COL4A5: variants seen among roughly 807,000 people sequenced by gnomAD.
The protein encoded by COL4A5 is collagen type IV alpha 5 chain.
A neutral mutation model predicts 130.2 loss-of-function variants in COL4A5; 26 were observed. The ratio of observed to expected loss-of-function variants is 0.20; its 90% CI spans 0.15 to 0.28. COL4A5 has a LOEUF of 0.28. Ranked by LOEUF, COL4A5 falls within the 10% of genes least tolerant of loss-of-function variation. COL4A5 has a pLI of 1.00. For synonymous variants in COL4A5, 496 were observed against 439.6 expected, an observed-to-expected ratio of 1.13 and a Z score of -1.60; for missense variants, 1,131 against 1,344.3, an observed-to-expected ratio of 0.84 and a Z score of 2.48.
chrX:108,673,735 TATAATAATA>T (rs758392388), intron 42 of COL4A5, among the ~76,000 whole-genome samples: 1 of 106,281 alleles, frequency 9.4e-6, no homozygotes, highest in South Asian at 4.1e-4. Context: ...ATAATAATAA[TATAATAATA>T]ATAATAATAA....
chrX:108,463,521 G>A (rs2064674205), intron 1 of COL4A5, among the ~76,000 whole-genome samples: 1 of 111,250 alleles, frequency 9.0e-6, no homozygotes, highest in Non-Finnish European at 1.9e-5. Flanking sequence ...ACGCTTTTAG[G>A]GTTTTACTGA....
intron 1 of COL4A5, among the ~76,000 whole-genome samples, chrX:108,476,548 A>C (rs921393861): frequency 1.8e-5 from 1 of 55,105 alleles, no homozygotes; most frequent in African/African-American, 8.0e-5. Context: ...TTTTTTACCT[A>C]TTAACCATCC....
intron 36 of COL4A5, among the ~76,000 whole-genome samples, chrX:108,639,093 A>G (rs762391170): frequency 9.0e-6 from 1 of 111,518 alleles, no homozygotes; most frequent in African/African-American, 3.3e-5. Context: ...AACTAGCCAA[A>G]ACAATTCTAA....
chrX:108,629,900 C>T (rs2067221833), intron 36 of COL4A5, among the ~76,000 whole-genome samples: 1 of 110,657 alleles, frequency 9.0e-6, no homozygotes, highest in Non-Finnish European at 1.9e-5. Flanking sequence ...TGAGTGAGAA[C>T]ATGCGGTGTT....
At chrX:108,586,590 A>ATT in intron 18 of COL4A5, 25 bp from the exon 19 acceptor site, 1 of 1,100,806 alleles carries the variant, frequency 9.1e-7, no homozygotes, top group Non-Finnish European at 1.2e-6. Flanking sequence ...GCATTTCTTT[A>ATT]TTTTTTTTTT....
chrX:108,641,485 T>C (rs768289108), intron 36 of COL4A5, among the ~76,000 whole-genome samples: 4 of 111,744 alleles, frequency 3.6e-5, no homozygotes, highest in African/African-American at 1.3e-4. Context: ...AACAAACCAG[T>C]AATCACAAGA....
chrX:108,600,263 GA>G (rs1238796202), intron 25 of COL4A5, among the ~76,000 whole-genome samples: 2 of 111,778 alleles, frequency 1.8e-5, no homozygotes, highest in Non-Finnish European at 3.8e-5. Context: ...TTTGCGAAAA[GA>G]AATCTTTACC....
chrX:108,501,369 T>A (rs1347775307), intron 1 of COL4A5, among the ~76,000 whole-genome samples: 1 of 111,730 alleles, frequency 9.0e-6, no homozygotes. Flanking sequence ...AAAAATGTTT[T>A]ACCTTATCAC....
chrX:108,603,490 A>G (rs2147825036), intron 28 of COL4A5, among the ~76,000 whole-genome samples: 1 of 111,845 alleles, frequency 8.9e-6, no homozygotes, highest in Admixed American at 9.5e-5. Context: ...ATTAGGTCTA[A>G]AAAAAACCAT....
chrX:108,596,598 C>T (rs1159395209), intron 22 of COL4A5, among the ~76,000 whole-genome samples: 2 of 111,860 alleles, frequency 1.8e-5, no homozygotes, highest in East Asian at 5.6e-4. Context: ...TGGTAAGGAT[C>T]TAGGAAAACT....
rs1248934075 is a variant in COL4A5 at position 108,687,622 on chromosome X, A to G, written c.4456A>G (p.Thr1486Ala). Reference protein sequence around the residue: ...TTDAPQCPQGTLQVYEGFSLL... With the variant: ...TTDAPQCPQGALQVYEGFSLL... ...GGATGCACCACAATGCCCACAGGGA[A>G]CACTTCAGGTCTATGAAGGCTTTTC... Residue 1486 changes from threonine (T) to alanine (A), a missense_variant, in exon 49 of 53, where the codon ACA (threonine) becomes GCA (alanine). Physicochemically the swap from Thr to Ala is moderately conservative, Grantham distance 58. Transcript: ENST00000328300. 1 of 1,209,781 alleles carries G rather than the reference A, an allele frequency of 8.3e-7. No individual in the cohort carries two copies. Among genetic ancestry groups the G allele is most frequent in the Admixed American group, 2.2e-5 (1 of 45,701 alleles).
intron 38 of COL4A5, among the ~76,000 whole-genome samples, chrX:108,666,257 G>A (rs2068076531): frequency 9.0e-6 from 1 of 111,235 alleles, no homozygotes; most frequent in African/African-American, 3.3e-5. Context: ...ACCACCCTTC[G>A]CACCTTACTC....
In COL4A5 at chrX:108,657,374, C is replaced by A. The variant is rs184827003; in HGVS notation, c.3373+1917C>A. On this transcript the variant is annotated intron_variant, in intron 37 of 52. Coordinates refer to ENST00000328300, the MANE Select transcript of COL4A5 (RefSeq NM_033380.3). Reference sequence around the variant, plus strand: ...TCCAATGGTTTATTTTCTATTGCTGCTTTAACACAACACTGAATTACTGTA... The same window carrying A: ...TCCAATGGTTTATTTTCTATTGCTGATTTAACACAACACTGAATTACTGTA... 2.1e-3 allele frequency among the ~76,000 whole-genome samples: 233 copies of A among 111,649 alleles called. 2 individuals are homozygous for A. Among genetic ancestry groups the A allele is most frequent in the Non-Finnish European group, 3.5e-3 (188 of 52,974 alleles).
At chrX:108,541,057 C>T (rs772092654) in intron 2 of COL4A5, among the ~76,000 whole-genome samples, 8 of 111,795 alleles carry the variant, frequency 7.2e-5, no homozygotes, top group Non-Finnish European at 1.1e-4. Context: ...ATAGAAGGTA[C>T]GTTAGCATAT....
At chrX:108,637,750 A>G (rs1358071798) in intron 36 of COL4A5, among the ~76,000 whole-genome samples, 1 of 111,984 alleles carries the variant, frequency 8.9e-6, no homozygotes, top group Admixed American at 9.5e-5. Context: ...AGTAGATTAT[A>G]TGAATAGACC....
At chrX:108,469,167 C>T (rs188562501) in intron 1 of COL4A5, among the ~76,000 whole-genome samples, 9 of 77,128 alleles carry the variant, frequency 1.2e-4, no homozygotes, top group African/African-American at 3.6e-4. Flanking sequence ...CTCTCTCTCT[C>T]TCTTTTTTTT....
At chrX:108,502,837 C>A (rs1364833513) in intron 1 of COL4A5, among the ~76,000 whole-genome samples, 1 of 111,661 alleles carries the variant, frequency 9.0e-6, no homozygotes, top group Non-Finnish European at 1.9e-5. Context: ...ATTGTCTTGA[C>A]TTTCTTTGGA....
At chrX:108,629,521 T>C (rs1204821429) in intron 36 of COL4A5, among the ~76,000 whole-genome samples, 2 of 111,031 alleles carry the variant, frequency 1.8e-5, no homozygotes, top group Non-Finnish European at 3.8e-5. Context: ...GTGTATGGAA[T>C]ATGAGAGAGA....
At chrX:108,455,914 A>G (rs1754590754) in intron 1 of COL4A5, among the ~76,000 whole-genome samples, 1 of 110,987 alleles carries the variant, frequency 9.0e-6, no homozygotes, top group African/African-American at 3.3e-5. Flanking sequence ...AGTCCTTTAC[A>G]TTTCTTCTTA....
Sources: gnomAD v4.1 joint callset for allele counts (sites outside exome capture counted in the v4.1 genomes callset) on GRCh38, gnomAD v4.1.1 for gene constraint, MANE v1.5 for transcripts, NCBI Gene and HGNC (gene_info 2026-07-23, HGNC 2026-07-21) for gene names.